The following NEGR1 variants were observed in gnomAD, a reference collection of about 807,000 sequenced individuals.
NEGR1 encodes the protein neuronal growth regulator 1.
In NEGR1, 10 loss-of-function variants were observed where a neutral mutation model predicts 40.9. That is an observed-to-expected ratio of 0.24 (90% CI 0.15 to 0.42). The LOEUF is 0.42. Ranked by LOEUF, NEGR1 falls within the 10% of genes least tolerant of loss-of-function variation. The pLI is 1.00. For synonymous variants in NEGR1, 185 were observed against 166.8 expected, an observed-to-expected ratio of 1.11 and a Z score of -0.84; for missense variants, 352 against 438.9, an observed-to-expected ratio of 0.80 and a Z score of 1.77.
chr1:71,651,830 A>T (rs1007204033), intron 4 of NEGR1, among the ~76,000 whole-genome samples: 3 of 152,138 alleles, frequency 2.0e-5, no homozygotes, highest in Non-Finnish European at 4.4e-5. Context: ...AGTATTTTTC[A>T]TACGTTATTG....
chr1:71,475,282 C>G (rs1039839131), intron 6 of NEGR1, among the ~76,000 whole-genome samples: 9 of 151,876 alleles, frequency 5.9e-5, no homozygotes. Context: ...CCATATATGG[C>G]TATTGAGTAT....
chr1:72,019,203 C>G (rs1223729414), intron 1 of NEGR1, among the ~76,000 whole-genome samples: 2 of 152,056 alleles, frequency 1.3e-5, no homozygotes, highest in Non-Finnish European at 2.9e-5. Flanking sequence ...GTATTTTTAT[C>G]TAACTGAAGA....
intron 3 of NEGR1, among the ~76,000 whole-genome samples, chr1:71,716,752 C>T (rs1388513851): frequency 6.6e-6 from 1 of 152,064 alleles, no homozygotes; most frequent in Non-Finnish European, 1.5e-5. Flanking sequence ...TGCTATCATA[C>T]ATTTTGGATT....
chr1:72,216,199 G>T (rs1311686103), intron 1 of NEGR1, among the ~76,000 whole-genome samples: 1 of 151,386 alleles, frequency 6.6e-6, no homozygotes, highest in East Asian at 2.0e-4. Context: ...ACCCACCGGG[G>T]TATGTCAGGG....
At chr1:71,458,526 T>A (rs952129410) in intron 6 of NEGR1, among the ~76,000 whole-genome samples, 1 of 152,234 alleles carries the variant, frequency 6.6e-6, no homozygotes, top group Non-Finnish European at 1.5e-5. Context: ...TATTTCTGTA[T>A]AATTTCATTT....
At chr1:72,081,066 G>GA (rs1236815252) in intron 1 of NEGR1, among the ~76,000 whole-genome samples, 4 of 152,162 alleles carry the variant, frequency 2.6e-5, no homozygotes, top group Admixed American at 2.0e-4. Flanking sequence ...AATATAGAAG[G>GA]AAAAATGCAC....
intron 6 of NEGR1, among the ~76,000 whole-genome samples, chr1:71,576,632 C>G: frequency 6.6e-6 from 1 of 152,156 alleles, no homozygotes; most frequent in East Asian, 1.9e-4. Context: ...TATCCTTTTC[C>G]TATAATAAGA....
chr1:71,418,954 T>C (rs1034178638), intron 6 of NEGR1, among the ~76,000 whole-genome samples: 1 of 152,358 alleles, frequency 6.6e-6, no homozygotes, highest in Non-Finnish European at 1.5e-5. Flanking sequence ...ACACTTTTTG[T>C]ATTTTGCCTT....
intron 4 of NEGR1, among the ~76,000 whole-genome samples, chr1:71,642,634 A>G (rs1651392786): frequency 6.6e-6 from 1 of 151,912 alleles, no homozygotes; most frequent in East Asian, 1.9e-4. Flanking sequence ...AAGTGATTTG[A>G]GATCACAAAT....
At chr1:71,759,565 A>G (rs10889931) in intron 3 of NEGR1, among the ~76,000 whole-genome samples, 69,107 of 139,426 alleles carry the variant, frequency 0.5, 17,119 homozygotes, top group East Asian at 0.78. Context: ...CCAAAGTGCT[A>G]AGATTACAGG....
intron 1 of NEGR1, among the ~76,000 whole-genome samples, chr1:72,112,974 T>C (rs1040853408): frequency 6.6e-6 from 1 of 151,794 alleles, no homozygotes; most frequent in African/African-American, 2.4e-5. Flanking sequence ...TCAGCTATTT[T>C]TTTACTACTT....
rs116090551 is a variant in NEGR1 at position 72,152,875 on chromosome 1, G to A, written c.176+129444C>T. ...GGGGTCAAATCCTAAGTAAATTAAC[G>A]CAGGGACAGAAAACTAAATACCATG... On this transcript the variant is annotated intron_variant, in intron 1 of 6. Transcript: ENST00000357731. Among the ~76,000 whole-genome samples, 466 of 151,938 alleles carry A rather than the reference G, an allele frequency of 3.1e-3. 4 individuals carry two copies. Among genetic ancestry groups the A allele is most frequent in the Non-Finnish European group, 3.2e-3 (215 of 67,822 alleles).
chr1:71,897,712 G>A (rs1249757729), intron 2 of NEGR1, among the ~76,000 whole-genome samples: 1 of 152,030 alleles, frequency 6.6e-6, no homozygotes, highest in East Asian at 1.9e-4. Flanking sequence ...GGCATAAAAA[G>A]TACATAACAA....
At chr1:71,597,466 CTCTCTCTGTG>C (rs1361441955) in intron 5 of NEGR1, among the ~76,000 whole-genome samples, 3 of 17,970 alleles carry the variant, frequency 1.7e-4, no homozygotes, top group African/African-American at 2.2e-4. Flanking sequence ...CTCTCTCTCT[CTCTCTCTGTG>C]TGTGTGTGTG....
At chr1:71,615,826 G>A (rs888429734) in intron 4 of NEGR1, among the ~76,000 whole-genome samples, 40 of 152,230 alleles carry the variant, frequency 2.6e-4, no homozygotes, top group Admixed American at 2.0e-3. Flanking sequence ...AAAGAGGCAG[G>A]AGAGGAAACC....
intron 4 of NEGR1, among the ~76,000 whole-genome samples, chr1:71,676,936 G>A (rs996909602): frequency 6.6e-6 from 1 of 152,166 alleles, no homozygotes; most frequent in African/African-American, 2.4e-5. Context: ...TCACTGGAAG[G>A]AGTGTAAGTT....
In NEGR1 at chr1:71,868,482, AC is replaced by A. The variant is rs1172920577; in HGVS notation, c.409+66596del. Among the ~76,000 whole-genome samples the A allele has an allele frequency of 1.8e-3, 262 of 142,932 alleles. 1 individual carries two copies. Among genetic ancestry groups the A allele is most frequent in the African/African-American group, 7.5e-3 (255 of 34,016 alleles). The allele number at this position is 142,932 out of a possible 152,430, so 93.8% of individuals were successfully genotyped here. On this transcript the variant is annotated intron_variant, in intron 2 of 6. Transcript: ENST00000357731. ...AGATAGATAGACAGAATACATACAT[AC>A]ATACATACATACATACATACATACA...
rs1659954872 is a variant in NEGR1 at position 71,861,771 on chromosome 1, T to C, written c.409+73308A>G. Among the ~76,000 whole-genome samples, 3 of 152,142 alleles carry C rather than the reference T, an allele frequency of 2.0e-5. No homozygotes were observed. The South Asian group carries it at 6.2e-4, about 31-fold the overall frequency. ...CATAATGCAGTCACATTAATTCAAG[T>C]TAGTGAGTAATTATCACTGTTTCCA... On this transcript the variant is annotated intron_variant, in intron 2 of 6. Coordinates refer to ENST00000357731, the MANE Select transcript of NEGR1 (RefSeq NM_173808.3).
At chr1:72,087,103 C>A (rs1648251151) in intron 1 of NEGR1, among the ~76,000 whole-genome samples, 1 of 152,074 alleles carries the variant, frequency 6.6e-6, no homozygotes, top group South Asian at 2.1e-4. Flanking sequence ...TCTCCAAATT[C>A]TATAACTCTA....
Sources: gnomAD v4.1 joint callset for allele counts (sites outside exome capture counted in the v4.1 genomes callset) on GRCh38, gnomAD v4.1.1 for gene constraint, MANE v1.5 for transcripts, NCBI Gene and HGNC (gene_info 2026-07-23, HGNC 2026-07-21) for gene names.